Variants in DCBLD1 observed in about 807,000 individuals in gnomAD.
DCBLD1 encodes the protein discoidin, CUB and LCCL domain-containing protein 1.
Under a neutral mutation model 71.5 loss-of-function variants are expected in DCBLD1, and 57 were observed. The observed-to-expected ratio is 0.80, with a 90% CI of 0.64 to 0.99. The LOEUF is 0.99. Among genes scored for constraint, DCBLD1 ranks in the 50% least tolerant of loss-of-function variants. The probability of loss-of-function intolerance (pLI) is 0.00; values close to 1 mark genes in which losing one functional copy is unlikely to be tolerated. For missense variants in DCBLD1, 891 were observed against 923.5 expected, an observed-to-expected ratio of 0.96 and a Z score of 0.46; for synonymous variants, 380 against 363.8, an observed-to-expected ratio of 1.04 and a Z score of -0.51.
At chr6:117,520,364 C>T (rs78831728) in intron 3 of DCBLD1, among the ~76,000 whole-genome samples, 1,792 of 152,336 alleles carry the variant, frequency 0.012, 16 homozygotes, top group Middle Eastern at 0.024. Context: ...TTAGATTGAT[C>T]AGTTGACTTA....
intron 13 of DCBLD1, among the ~76,000 whole-genome samples, chr6:117,544,899 G>A (rs901625133): frequency 6.6e-6 from 1 of 151,458 alleles, no homozygotes; most frequent in Admixed American, 6.6e-5. Context: ...AAGTAGGCCC[G>A]TGTTGTTAGC....
At chr6:117,567,174 T>G (rs1451077368) in intron 14 of DCBLD1, 1 of 580,992 alleles carries the variant, frequency 1.7e-6, no homozygotes, top group African/African-American at 1.9e-5. Context: ...AATAAAATTC[T>G]AGAATCTAAA....
At position 117,538,674 on chromosome 6, in the gene DCBLD1, C is replaced by T. The variant is rs1345328988; in HGVS notation, c.815C>T (p.Ser272Leu). Residue 272 changes from serine (S) to leucine (L), a missense_variant, in exon 8 of 15, where the codon TCA (serine) becomes TTA (leucine). Coordinates refer to ENST00000338728, the MANE Select transcript of DCBLD1 (RefSeq NM_001366458.2). ...GACGGGCAAATCAGAGCTTCTTCCT[C>T]ATGGCAGTCGGTCAATGAGAGTGGA... is the stretch of plus-strand genomic sequence containing the variant. The part of the protein sequence containing the change: ...EPDGQIRASS[S>L]WQSVNESGDQ... 2.5e-6 allele frequency: 4 copies of T among 1,614,164 alleles called. No individual in the cohort carries two copies. The highest frequency in any genetic ancestry group is 3.4e-6 in the Non-Finnish European group (4 of 1,180,040).
chr6:117,508,244 G>A (rs1278822572), intron 2 of DCBLD1: 2 of 152,086 alleles, frequency 1.3e-5, no homozygotes, highest in African/African-American at 4.8e-5. Context: ...TCAGACAAGT[G>A]GTTTATTAAA....
At position 117,566,998 on chromosome 6, in the gene DCBLD1, G is replaced by A. The variant is rs201443939; in HGVS notation, c.1616-2622G>A. 1.0e-5 allele frequency: 16 copies of A among 1,605,898 alleles called. No homozygotes were observed. The African/African-American group carries it at 2.1e-4, about 22-fold the overall frequency. On this transcript the variant is annotated intron_variant, in intron 14 of 14. Transcript: ENST00000296955. ...TTTTCATCATCAGAATCCACTTCAGGAGCCACATAAACTACTTCAAATTCA... is the reference window on the plus strand; with the variant it reads ...TTTTCATCATCAGAATCCACTTCAGAAGCCACATAAACTACTTCAAATTCA...
chr6:117,505,618 T>C (rs1777814824), intron 2 of DCBLD1, among the ~76,000 whole-genome samples: 1 of 152,166 alleles, frequency 6.6e-6, no homozygotes, highest in Non-Finnish European at 1.5e-5. Flanking sequence ...GATGTGGCTT[T>C]CCCACACCAG....
intron 14 of DCBLD1, among the ~76,000 whole-genome samples, chr6:117,559,920 A>G (rs939169555): frequency 1.2e-4 from 18 of 152,222 alleles, no homozygotes; most frequent in African/African-American, 4.3e-4. Context: ...TATATGTATT[A>G]GCACTAAATC....
At chr6:117,543,716 C>T (rs989743345) in intron 12 of DCBLD1, among the ~76,000 whole-genome samples, 1 of 152,156 alleles carries the variant, frequency 6.6e-6, no homozygotes, top group Non-Finnish European at 1.5e-5. Flanking sequence ...AAGACTTAAC[C>T]TTTGAGTATT....
intron 14 of DCBLD1, chr6:117,560,127 T>C (rs1326772925): frequency 1.3e-5 from 2 of 155,464 alleles, no homozygotes; most frequent in African/African-American, 4.8e-5. Flanking sequence ...ATTGATTTTC[T>C]AACTTTCATC....
chr6:117,539,202 G>C, intron 8 of DCBLD1, 53 bp from the exon 9 acceptor site: 2 of 1,423,292 alleles, frequency 1.4e-6, no homozygotes, highest in Non-Finnish European at 1.9e-6. Flanking sequence ...TATAATAGAT[G>C]TTATATTTAA....
At chr6:117,493,177 G>T (rs1256392581) in intron 1 of DCBLD1, among the ~76,000 whole-genome samples, 1 of 152,036 alleles carries the variant, frequency 6.6e-6, no homozygotes, top group Non-Finnish European at 1.5e-5. Context: ...AATAAGGAGG[G>T]CTTTTTCAGT....
At chr6:117,487,019 G>A (rs1210572847) in intron 1 of DCBLD1, among the ~76,000 whole-genome samples, 6 of 152,084 alleles carry the variant, frequency 3.9e-5, no homozygotes, top group Non-Finnish European at 8.8e-5. Flanking sequence ...CTGAGGTGCA[G>A]CAGTTTCATC....
chr6:117,540,639 C>G, intron 9 of DCBLD1, 29 bp from the exon 10 acceptor site: 1 of 1,613,574 alleles, frequency 6.2e-7, no homozygotes, highest in Non-Finnish European at 8.5e-7. Flanking sequence ...CTAATAGAAT[C>G]TTAAGGTAAA....
At position 117,534,566 on chromosome 6, in the gene DCBLD1, G is replaced by A. The variant is rs78367102; in HGVS notation, c.719+2173G>A. Among the ~76,000 whole-genome samples, 250 of 152,190 alleles carry A rather than the reference G, an allele frequency of 1.6e-3. 1 individual carries two copies. The highest frequency in any genetic ancestry group is 3.5e-3 in the Admixed American group (54 of 15,288). On this transcript the variant is annotated intron_variant, in intron 6 of 14. Transcript: ENST00000338728. Reference sequence around the variant, plus strand: ...GGCTCTCAATCTGTTTTTTGGAATCGTTTGTCTGTATTTGTATATCTTTGA... The same window carrying A: ...GGCTCTCAATCTGTTTTTTGGAATCATTTGTCTGTATTTGTATATCTTTGA...
At chr6:117,550,619 T>C (rs1265105957), downstream of DCBLD1, among the ~76,000 whole-genome samples, 1 of 152,204 alleles carries the variant, frequency 6.6e-6, no homozygotes, top group African/African-American at 2.4e-5. Flanking sequence ...ACAGTCAGCC[T>C]AGAAAATAGA....
intron 6 of DCBLD1, among the ~76,000 whole-genome samples, chr6:117,533,451 G>A (rs1024796982): frequency 1.7e-4 from 26 of 152,120 alleles, no homozygotes; most frequent in Admixed American, 1.5e-3. Flanking sequence ...TCTCAAGTTA[G>A]TCGGCATAGA....
intron 5 of DCBLD1, among the ~76,000 whole-genome samples, chr6:117,530,733 G>T (rs1778689149): frequency 6.6e-6 from 1 of 152,174 alleles, no homozygotes; most frequent in South Asian, 2.1e-4. Context: ...TCTTCAACTG[G>T]CTCCTCTGTT....
At chr6:117,555,090 G>A (rs554161737) in intron 14 of DCBLD1, among the ~76,000 whole-genome samples, 2 of 152,194 alleles carry the variant, frequency 1.3e-5, no homozygotes, top group South Asian at 4.1e-4. Context: ...TAATTTGTGG[G>A]GAGAGCACTT....
intron 1 of DCBLD1, among the ~76,000 whole-genome samples, chr6:117,489,814 G>A (rs1471815342): frequency 2.0e-5 from 3 of 152,210 alleles, no homozygotes; most frequent in Non-Finnish European, 4.4e-5. Context: ...GAACCCGGGA[G>A]GCGGAGCTTG....
Sources: gnomAD v4.1 joint callset for allele counts (sites outside exome capture counted in the v4.1 genomes callset) on GRCh38, gnomAD v4.1.1 for gene constraint, MANE v1.5 for transcripts, NCBI Gene and HGNC (gene_info 2026-07-23, HGNC 2026-07-21) for gene names.